Variants in ZKSCAN7 observed in about 807,000 individuals in gnomAD.
The protein encoded by ZKSCAN7 is zinc finger with KRAB and SCAN domains 7.
Under a neutral mutation model 65.3 loss-of-function variants are expected in ZKSCAN7, and 38 were observed. The ratio of observed to expected loss-of-function variants is 0.58; its 90% CI spans 0.45 to 0.76. ZKSCAN7 has a LOEUF of 0.76. Among genes scored for constraint, ZKSCAN7 ranks in the 30% least tolerant of loss-of-function variants. ZKSCAN7 has a pLI of 0.00. For missense variants in ZKSCAN7, 815 were observed against 913.3 expected (o/e 0.89, Z 1.39); for synonymous variants, 321 against 321.0 (o/e 1.00, Z 0.00).
At chr3:44,564,944 C>G (rs1247290355) in intron 2 of ZKSCAN7, among the ~76,000 whole-genome samples, 1 of 152,014 alleles carries the variant, frequency 6.6e-6, no homozygotes, top group Non-Finnish European at 1.5e-5. Context: ...GGGACTACAG[C>G]TGCGTGCCAC....
In ZKSCAN7 at chr3:44,570,830, A is replaced by G. The variant is rs1575375597; in HGVS notation, c.1720A>G (p.Thr574Ala). The change falls in exon 6 of 6, where the codon ACT becomes GCT. Residue 574 changes from threonine (T) to alanine (A), a missense_variant. Coordinates refer to ENST00000426540, the MANE Select transcript of ZKSCAN7 (RefSeq NM_001288590.2). ...TCTTATTCGACATCAGAGCCTCCAT[A>G]CTGGGGAAAAGCCATACAAATGTAG... Reference protein sequence around the residue: ...KCLIRHQSLHTGEKPYKCSEC... With the variant: ...KCLIRHQSLHAGEKPYKCSEC... 1 of 1,614,220 alleles carries G rather than the reference A, an allele frequency of 6.2e-7. No individual in the cohort carries two copies. The highest frequency in any genetic ancestry group is 2.2e-5 in the East Asian group (1 of 44,872).
At position 44,580,672 on chromosome 3, in the gene ZKSCAN7, G is replaced by A; in HGVS notation, c.812-2300G>A. On this transcript the variant is annotated intron_variant, in intron 5 of 5. Transcript: ENST00000341840. Reference sequence around the variant, plus strand: ...TCCTTCTCAGGCGTCAGAATACACAGGGAGAACCTCTGGCCCGTGCGGCCC... The same window carrying A: ...TCCTTCTCAGGCGTCAGAATACACAAGGAGAACCTCTGGCCCGTGCGGCCC... 5 of 1,613,918 alleles carry A rather than the reference G, an allele frequency of 3.1e-6. 1 individual carries two copies. Among genetic ancestry groups the A allele is most frequent in the Non-Finnish European group, 2.5e-6 (3 of 1,179,818 alleles).
In ZKSCAN7 at chr3:44,565,688, T is replaced by A. The variant is rs994697312; in HGVS notation, c.592+33T>A. The A allele has an allele frequency of 1.9e-6, 3 of 1,539,200 alleles. No homozygotes were observed. In the African/African-American group the frequency reaches 4.2e-5, roughly 21 times the overall value. ...TCTCCCCAGCTTTGGCCTTAAGTCA[T>A]GCCTCCCTTCTCTCCTCTGGAGTCT... On this transcript the variant is annotated intron_variant, in intron 3 of 5. Coordinates refer to ENST00000426540, the MANE Select transcript of ZKSCAN7 (RefSeq NM_001288590.2).
intron 2 of ZKSCAN7, 141 bp downstream of exon 2, chr3:44,557,611 T>G (rs2293600): frequency 0.42 from 502,421 of 1,193,674 alleles, 114,078 homozygotes; most frequent in East Asian, 0.85. Context: ...AGAGGGAAAA[T>G]AGTTTTGTGC....
chr3:44,579,414 T>G (rs1323242527), intron 5 of ZKSCAN7, among the ~76,000 whole-genome samples: 1 of 152,200 alleles, frequency 6.6e-6, no homozygotes, highest in Admixed American at 6.5e-5. Flanking sequence ...TCAAAGGTCT[T>G]GGAGAGGCCC....
downstream of ZKSCAN7, among the ~76,000 whole-genome samples, chr3:44,573,234 C>A (rs1699856305): frequency 1.3e-5 from 2 of 152,238 alleles, no homozygotes; most frequent in South Asian, 2.1e-4. Flanking sequence ...TGGCCCAGAT[C>A]TGGGGGACGT....
At position 44,565,461 on chromosome 3, in the gene ZKSCAN7, A is replaced by G; in HGVS notation, c.424-26A>G. 3 of 1,574,382 alleles carry G rather than the reference A, an allele frequency of 1.9e-6. No homozygotes were observed. In the South Asian group the frequency reaches 3.5e-5, roughly 19 times the overall value. Reference sequence around the variant, plus strand: ...AGTACCTTCAAGGATGCTCTTTTGAACCCAATTGTATTTCCCTCTCTCTAG... The same window carrying G: ...AGTACCTTCAAGGATGCTCTTTTGAGCCCAATTGTATTTCCCTCTCTCTAG... On this transcript the variant is annotated intron_variant, in intron 2 of 5. Coordinates refer to ENST00000426540, the MANE Select transcript of ZKSCAN7 (RefSeq NM_001288590.2).
intron 2 of ZKSCAN7, among the ~76,000 whole-genome samples, chr3:44,565,158 C>T (rs1699594897): frequency 6.6e-6 from 1 of 152,130 alleles, no homozygotes; most frequent in African/African-American, 2.4e-5. Context: ...AGAGAATGTA[C>T]TGAATTGCTC....
At chr3:44,578,282 T>G in intron 5 of ZKSCAN7, 2 of 1,578,872 alleles carry the variant, frequency 1.3e-6, no homozygotes, top group Admixed American at 3.3e-5. Context: ...GCTAATCTCC[T>G]GTTTCAGGTA....
chr3:44,568,175 G>A (rs1429184861), intron 4 of ZKSCAN7, 132 bp from the exon 5 acceptor site: 18 of 1,535,496 alleles, frequency 1.2e-5, no homozygotes, highest in South Asian at 5.0e-5. Context: ...TGTCCTTTTC[G>A]AGGTGTCATC....
chr3:44,579,979 G>GT lies in ZKSCAN7; in HGVS notation c.812-2993_812-2992insT, dbSNP rs1470106450. The GT allele has an allele frequency of 8.9e-5, 141 of 1,588,732 alleles. 2 individuals are homozygous for GT. The Middle Eastern group carries it at 4.0e-3, about 45-fold the overall frequency. On this transcript the variant is annotated intron_variant, in intron 5 of 5. Coordinates refer to the ZKSCAN7 transcript ENST00000341840. ...GAGGCGTCTGGGAGAGGAGCTTGGG[G>GT]GGGGGCTTCATTGGTGAAGTCCTGC...
At chr3:44,579,447 G>A (rs1330881286) in intron 5 of ZKSCAN7, among the ~76,000 whole-genome samples, 4 of 152,308 alleles carry the variant, frequency 2.6e-5, no homozygotes, top group East Asian at 3.9e-4. Context: ...TCCCACGTGC[G>A]GCTCCTCTTC....
intron 5 of ZKSCAN7, among the ~76,000 whole-genome samples, chr3:44,578,636 G>C (rs370398101): frequency 6.6e-6 from 1 of 152,154 alleles, no homozygotes; most frequent in Non-Finnish European, 1.5e-5. Flanking sequence ...CTCAACATCC[G>C]AGTTGACGCT....
chr3:44,574,546 A>G (rs899734055), downstream of ZKSCAN7, among the ~76,000 whole-genome samples: 21 of 152,192 alleles, frequency 1.4e-4, no homozygotes, highest in African/African-American at 4.8e-4. Context: ...ATTTGCGTTC[A>G]TTGTTGGATA....
chr3:44,571,757 G>A lies in ZKSCAN7; in HGVS notation c.*382G>A. 1 of 1,028,442 alleles carries A rather than the reference G, an allele frequency of 9.7e-7. No homozygotes were observed. Among genetic ancestry groups the A allele is most frequent in the South Asian group, 3.7e-5 (1 of 26,882 alleles). 63.7% of individuals were successfully genotyped at this position (1,028,442 alleles called of 1,614,324 possible). A position where few individuals can be genotyped will look rare whatever the true frequency, so the allele number is the denominator to read the frequency against. ...CATTTATACAAAGTCATTCAAAAAG[G>A]CTGATTCATGCCTTCCTGCCTCTTG... On this transcript the variant is annotated 3_prime_UTR_variant, in exon 6 of 6. Transcript: ENST00000426540.
chr3:44,580,178 C>T (rs1037009184), intron 5 of ZKSCAN7: 9 of 1,608,318 alleles, frequency 5.6e-6, no homozygotes, highest in Middle Eastern at 1.7e-4. Context: ...GGGAGAGCGG[C>T]GGGGGCAGCT....
chr3:44,581,042 G>C (rs1056529312), intron 5 of ZKSCAN7: 4 of 1,538,076 alleles, frequency 2.6e-6, no homozygotes, highest in Non-Finnish European at 3.5e-6. Flanking sequence ...GCGCGGCGGC[G>C]GCGGCGGCGC....
chr3:44,571,539 T>G lies in ZKSCAN7; in HGVS notation c.*164T>G. ...GAGAGTAGGAGTAACTTATTCCAGT[T>G]CTTACCCATTATTAGGAAGGTAAGG... On this transcript the variant is annotated 3_prime_UTR_variant, in exon 6 of 6. Transcript: ENST00000426540. 1 of 1,517,248 alleles carries G rather than the reference T, an allele frequency of 6.6e-7. No individual in the cohort carries two copies. Among genetic ancestry groups the G allele is most frequent in the Non-Finnish European group, 8.8e-7 (1 of 1,137,342 alleles). 94.0% of individuals were successfully genotyped at this position (1,517,248 alleles called of 1,614,324 possible).
chr3:44,565,338 T>TC, intron 2 of ZKSCAN7, 149 bp from the exon 3 acceptor site: 1 of 666,130 alleles, frequency 1.5e-6, no homozygotes, highest in South Asian at 3.7e-5. Flanking sequence ...GTTTTTTTTT[T>TC]CCCCCAGTAG....
Sources: allele counts gnomAD v4.1 joint callset (sites outside exome capture counted in the v4.1 genomes callset), GRCh38; gene constraint gnomAD v4.1.1; transcripts MANE v1.5; gene names NCBI Gene and HGNC (gene_info 2026-07-23, HGNC 2026-07-21).